CCDC122: variants seen among roughly 807,000 people sequenced by gnomAD.
CCDC122 encodes coiled-coil domain-containing protein 122.
CCDC122 carries 38 observed loss-of-function variants against 37.0 expected under a neutral mutation model. The ratio of observed to expected loss-of-function variants is 1.03; its 90% CI spans 0.79 to 1.35. CCDC122 has a LOEUF of 1.35. Ranked by LOEUF, CCDC122 falls within the 40% of genes most tolerant of loss-of-function variation. The pLI, the probability that CCDC122 is intolerant of heterozygous loss-of-function variation, is 0.00. For synonymous variants in CCDC122, 83 were observed against 95.6 expected (o/e 0.87, Z 0.77); for missense variants, 305 against 310.0 (o/e 0.98, Z 0.12).
At chr13:43,875,493 A>G (rs1954578219) in intron 1 of CCDC122, among the ~76,000 whole-genome samples, 1 of 152,186 alleles carries the variant, frequency 6.6e-6, no homozygotes, top group Non-Finnish European at 1.5e-5. Flanking sequence ...GAATATGCAA[A>G]TGGACAATGG....
chr13:43,830,764 C>G (rs973235758), intron 3 of CCDC122, among the ~76,000 whole-genome samples: 7 of 152,274 alleles, frequency 4.6e-5, no homozygotes, highest in Middle Eastern at 3.4e-3. Context: ...TTTTCAATGA[C>G]TAAGATCTAA....
chr13:43,866,692 T>C (rs903958608), intron 4 of CCDC122, among the ~76,000 whole-genome samples: 12 of 152,216 alleles, frequency 7.9e-5, no homozygotes, highest in African/African-American at 2.9e-4. Flanking sequence ...TTCGATGGCA[T>C]TGTAAGTAGT....
rs111618681 is a variant in CCDC122 at position 43,850,967 on chromosome 13, C to T, written c.672+7814G>A. 4.9e-4 allele frequency among the ~76,000 whole-genome samples: 74 copies of T among 152,144 alleles called. 1 individual carries two copies. The highest frequency in any genetic ancestry group is 1.5e-3 in the African/African-American group (64 of 41,518). On this transcript the variant is annotated intron_variant, in intron 6 of 6. Transcript: ENST00000444614. ...TCTTGAAGACACCAAGAAAGAAATA[C>T]CTTACATATATAGGAAAACCAATTT...
chr13:43,849,532 T>C (rs2153872171), intron 6 of CCDC122, among the ~76,000 whole-genome samples: 1 of 152,308 alleles, frequency 6.6e-6, no homozygotes, highest in East Asian at 1.9e-4. Flanking sequence ...TTTTCTTTTT[T>C]CCTCATATAT....
At chr13:43,857,136 G>A (rs1352539543) in intron 6 of CCDC122, among the ~76,000 whole-genome samples, 3 of 152,154 alleles carry the variant, frequency 2.0e-5, no homozygotes, top group Non-Finnish European at 4.4e-5. Context: ...TGCTAATGAG[G>A]ATGGTCATAT....
chr13:43,839,992 G>A (rs1277896795), intron 6 of CCDC122, among the ~76,000 whole-genome samples: 1 of 152,148 alleles, frequency 6.6e-6, no homozygotes, highest in Non-Finnish European at 1.5e-5. Flanking sequence ...AATGGGATTG[G>A]TTACATCTCT....
intron 3 of CCDC122, among the ~76,000 whole-genome samples, chr13:43,829,477 T>C (rs1442849729): frequency 6.6e-6 from 1 of 152,030 alleles, no homozygotes; most frequent in Non-Finnish European, 1.5e-5. Flanking sequence ...GGCTAATTTT[T>C]GTATTTTTAG....
chr13:43,841,631 G>A (rs945377053), intron 6 of CCDC122, among the ~76,000 whole-genome samples: 3 of 151,930 alleles, frequency 2.0e-5, no homozygotes, highest in African/African-American at 4.8e-5. Context: ...CTTTCTTTAC[G>A]CATCCTGGAT....
chr13:43,871,200 T>C (rs1954439971), intron 2 of CCDC122, among the ~76,000 whole-genome samples: 1 of 152,166 alleles, frequency 6.6e-6, no homozygotes, highest in Non-Finnish European at 1.5e-5. Context: ...TTTAATCAAC[T>C]TACTCTTTCT....
intron 5 of CCDC122, 150 bp from the exon 6 acceptor site, chr13:43,859,047 C>A: frequency 1.9e-6 from 1 of 535,108 alleles, no homozygotes; most frequent in South Asian, 2.9e-5. Flanking sequence ...TATACGTATA[C>A]AAAAATAAAG....
intron 5 of CCDC122, 101 bp from the exon 6 acceptor site, chr13:43,858,998 A>AAAACT: frequency 5.2e-6 from 5 of 969,716 alleles, no homozygotes; most frequent in African/African-American, 3.5e-5. Flanking sequence ...TAGCCAAATC[A>AAAACT]AAATTTAGTT....
intron 6 of CCDC122, 72 bp from the exon 7 acceptor site, chr13:43,837,501 G>A (rs964560596): frequency 1.5e-6 from 2 of 1,365,952 alleles, no homozygotes; most frequent in East Asian, 4.8e-5. Flanking sequence ...ATAATATTTT[G>A]ACTACTCTAA....
chr13:43,819,615 T>A (rs1445982357), downstream of CCDC122, among the ~76,000 whole-genome samples: 1 of 152,094 alleles, frequency 6.6e-6, no homozygotes, highest in East Asian at 1.9e-4. Flanking sequence ...TACGCTACTT[T>A]TTGTCTCATA....
intron 4 of CCDC122, among the ~76,000 whole-genome samples, chr13:43,865,089 C>A (rs552468426): frequency 6.6e-6 from 1 of 152,102 alleles, no homozygotes; most frequent in Non-Finnish European, 1.5e-5. Flanking sequence ...ACATACCTAT[C>A]CCCACGCATC....
chr13:43,861,674 G>A (rs893381936), intron 4 of CCDC122, among the ~76,000 whole-genome samples: 3 of 152,134 alleles, frequency 2.0e-5, no homozygotes, highest in African/African-American at 4.8e-5. Flanking sequence ...GAAAAAGGAG[G>A]TAAGTTCACT....
At chr13:43,869,183 C>T (rs1954368042) in intron 3 of CCDC122, 148 bp downstream of exon 3, 4 of 670,430 alleles carry the variant, frequency 6.0e-6, no homozygotes, top group South Asian at 5.2e-5. Flanking sequence ...TATGCCTTTG[C>T]TAAACACTGT....
At chr13:43,878,954 C>A (rs1027855686) in intron 1 of CCDC122, among the ~76,000 whole-genome samples, 1 of 152,142 alleles carries the variant, frequency 6.6e-6, no homozygotes, top group Non-Finnish European at 1.5e-5. Context: ...TAAAACATCT[C>A]GAGGGGGCCC....
rs138224802 is a variant in CCDC122 at position 43,875,690 on chromosome 13, G to T, written c.-199-763C>A. On this transcript the variant is annotated intron_variant, in intron 1 of 6. Coordinates refer to ENST00000444614, the MANE Select transcript of CCDC122 (RefSeq NM_144974.5). ...CAATTGTCCCAAATGACCAGTACTG[G>T]ATTAATAACTGGCATCTTCCCTAAC... Among the ~76,000 whole-genome samples the T allele has an allele frequency of 7.8e-3, 1,183 of 152,228 alleles. 14 individuals are homozygous for T. Among genetic ancestry groups the T allele is most frequent in the African/African-American group, 0.027 (1,141 of 41,544 alleles).
intron 6 of CCDC122, among the ~76,000 whole-genome samples, chr13:43,851,829 C>G (rs1273583018): frequency 6.6e-6 from 1 of 152,138 alleles, no homozygotes; most frequent in African/African-American, 2.4e-5. Context: ...CCCAGAGTTA[C>G]AGCACACAGT....
Sources: gnomAD v4.1 joint callset for allele counts (sites outside exome capture counted in the v4.1 genomes callset) on GRCh38, gnomAD v4.1.1 for gene constraint, MANE v1.5 for transcripts, NCBI Gene and HGNC (gene_info 2026-07-23, HGNC 2026-07-21) for gene names.